The following CCDC102B variants were observed in gnomAD, a reference collection of about 807,000 sequenced individuals.
CCDC102B encodes the protein coiled-coil domain-containing protein 102B.
A neutral mutation model predicts 57.4 loss-of-function variants in CCDC102B; 75 were observed. The ratio of observed to expected loss-of-function variants is 1.31; its 90% CI spans 1.08 to 1.58. The LOEUF (loss-of-function observed/expected upper bound fraction) is 1.58. Among genes scored for constraint, CCDC102B ranks in the 40% most tolerant of loss-of-function variants. CCDC102B has a pLI of 0.00. For synonymous variants in CCDC102B, 206 were observed against 201.9 expected (o/e 1.02, Z -0.17); for missense variants, 636 against 582.6 (o/e 1.09, Z -0.94).
intron 6 of CCDC102B, among the ~76,000 whole-genome samples, chr18:68,901,561 G>A (rs548472568): frequency 6.6e-6 from 1 of 152,222 alleles, no homozygotes; most frequent in South Asian, 2.1e-4. Flanking sequence ...GCTGATAATT[G>A]TTGGTTGGTT....
intron 6 of CCDC102B, among the ~76,000 whole-genome samples, chr18:68,899,389 A>G (rs752393049): frequency 3.0e-4 from 45 of 152,136 alleles, no homozygotes; most frequent in Middle Eastern, 3.4e-3. Context: ...GAATTAATTT[A>G]TATGTATATA....
intron 7 of CCDC102B, among the ~76,000 whole-genome samples, chr18:69,046,506 T>C (rs1182978295): frequency 6.6e-6 from 1 of 152,148 alleles, no homozygotes; most frequent in African/African-American, 2.4e-5. Context: ...CTTTGTCAGA[T>C]GGATGGTTTG....
intron 5 of CCDC102B, among the ~76,000 whole-genome samples, chr18:68,876,179 A>G (rs1317577864): frequency 2.0e-5 from 3 of 152,230 alleles, no homozygotes; most frequent in Non-Finnish European, 1.5e-5. Context: ...AAAGGAAGAA[A>G]GCACATATAG....
chr18:68,944,998 G>A lies in CCDC102B; in HGVS notation c.1263+47570G>A, dbSNP rs560250018. Among the ~76,000 whole-genome samples, 3 of 152,050 alleles carry A rather than the reference G, an allele frequency of 2.0e-5. No homozygotes were observed. In the South Asian group the frequency reaches 6.2e-4, roughly 32 times the overall value. On this transcript the variant is annotated intron_variant, in intron 6 of 7. Transcript: ENST00000360242. ...AGAGATACTTGCTTGGCTGCAGAAA[G>A]CCTTGATGTTTGCAAATAGTGTGAC...
At position 68,843,015 on chromosome 18, in the gene CCDC102B, T is replaced by C. The variant is rs551996004; in HGVS notation, c.828-3298T>C. ...TCCGCTTCATCTGCAAGCCTTGTTC[T>C]ATAATTCTCCTGGAGATCTGAGCTT... is the stretch of plus-strand genomic sequence containing the variant. On this transcript the variant is annotated intron_variant, in intron 3 of 7. Coordinates refer to ENST00000360242, the MANE Select transcript of CCDC102B (RefSeq NM_024781.3). 4.6e-5 allele frequency among the ~76,000 whole-genome samples: 7 copies of C among 152,268 alleles called. No individual in the cohort carries two copies. The South Asian group carries it at 1.5e-3, about 32-fold the overall frequency.
intron 6 of CCDC102B, among the ~76,000 whole-genome samples, chr18:68,963,397 A>T (rs542776022): frequency 3.3e-5 from 5 of 152,130 alleles, no homozygotes; most frequent in African/African-American, 1.2e-4. Context: ...GAATTCATAT[A>T]AATTGGTCAG....
intron 4 of CCDC102B, among the ~76,000 whole-genome samples, 177 bp from the exon 5 acceptor site, chr18:68,874,492 A>G (rs1416375469): frequency 2.0e-5 from 3 of 151,794 alleles, no homozygotes; most frequent in Admixed American, 1.3e-4. Flanking sequence ...TTTTTGAACT[A>G]CAAGTATAAC....
At chr18:68,931,391 G>T (rs1212169891) in intron 6 of CCDC102B, among the ~76,000 whole-genome samples, 8 of 151,798 alleles carry the variant, frequency 5.3e-5, no homozygotes, top group Admixed American at 5.3e-4. Flanking sequence ...CGTTCATATA[G>T]CAATCTAATT....
At chr18:69,018,438 G>GT (rs2051732505) in intron 7 of CCDC102B, among the ~76,000 whole-genome samples, 1 of 152,084 alleles carries the variant, frequency 6.6e-6, no homozygotes, top group Non-Finnish European at 1.5e-5. Context: ...ACCAGCACTA[G>GT]TTATTTTCTG....
At chr18:68,740,253 T>A (rs1340640851) in intron 2 of CCDC102B, among the ~76,000 whole-genome samples, 1 of 152,216 alleles carries the variant, frequency 6.6e-6, no homozygotes, top group African/African-American at 2.4e-5. Context: ...AACCACTTGT[T>A]ATGTGATTCT....
chr18:68,769,415 A>T (rs1031123080), intron 2 of CCDC102B, among the ~76,000 whole-genome samples: 8 of 152,058 alleles, frequency 5.3e-5, no homozygotes, highest in African/African-American at 1.7e-4. Context: ...TCCAAATAAC[A>T]TCATATTGGG....
intron 2 of CCDC102B, among the ~76,000 whole-genome samples, chr18:68,766,195 G>T (rs55785096): frequency 0.064 from 9,729 of 152,078 alleles, 582 homozygotes; most frequent in African/African-American, 0.15. Context: ...ATAGAGATGG[G>T]TGATTAAATA....
chr18:68,795,696 G>A (rs1306288817), upstream of CCDC102B, among the ~76,000 whole-genome samples: 1 of 152,120 alleles, frequency 6.6e-6, no homozygotes, highest in African/African-American at 2.4e-5. Flanking sequence ...CCCTCACCCA[G>A]TATGGCCTCA....
chr18:69,029,613 A>G (rs375674997), intron 7 of CCDC102B, among the ~76,000 whole-genome samples: 2 of 152,290 alleles, frequency 1.3e-5, no homozygotes, highest in African/African-American at 4.8e-5. Flanking sequence ...AGCAGTTCTC[A>G]ACTCTGGAGG....
At chr18:68,774,861 A>C (rs961844860) in intron 2 of CCDC102B, among the ~76,000 whole-genome samples, 2 of 151,268 alleles carry the variant, frequency 1.3e-5, no homozygotes, top group African/African-American at 4.8e-5. Context: ...ATTTACTTTT[A>C]ATTTTAATAT....
intron 6 of CCDC102B, among the ~76,000 whole-genome samples, chr18:68,917,094 TTG>T (rs1261887025): frequency 6.6e-6 from 1 of 152,226 alleles, no homozygotes; most frequent in Non-Finnish European, 1.5e-5. Context: ...CAACCTCCCA[TTG>T]TTCATAGCTT....
At chr18:68,857,211 A>T (rs573250427) in intron 4 of CCDC102B, among the ~76,000 whole-genome samples, 3 of 49,222 alleles carry the variant, frequency 6.1e-5, no homozygotes, top group African/African-American at 2.5e-4. Flanking sequence ...ATAATATATA[A>T]AAATATATTT....
chr18:69,027,553 A>G (rs1465635001), intron 7 of CCDC102B, among the ~76,000 whole-genome samples: 4 of 152,166 alleles, frequency 2.6e-5, no homozygotes, highest in African/African-American at 7.2e-5. Context: ...CATTTAGTGT[A>G]TTAACATTTT....
chr18:68,905,584 CGCCCTGTCT>C (rs2040598355), intron 6 of CCDC102B, among the ~76,000 whole-genome samples: 4 of 151,028 alleles, frequency 2.6e-5, no homozygotes, highest in Admixed American at 6.6e-5. Flanking sequence ...GTTATGGGAC[CGCCCTGTCT>C]AGCCCTGTCT....
Sources: allele counts gnomAD v4.1 joint callset (sites outside exome capture counted in the v4.1 genomes callset), GRCh38; gene constraint gnomAD v4.1.1; transcripts MANE v1.5; gene names NCBI Gene and HGNC (gene_info 2026-07-23, HGNC 2026-07-21).